Variants in WWOX observed in about 807,000 individuals in gnomAD.
The protein encoded by WWOX is WW domain-containing oxidoreductase.
WWOX carries 69 observed loss-of-function variants against 46.2 expected under a neutral mutation model. That is an observed-to-expected ratio of 1.49 (90% confidence interval 1.23 to 1.82). The LOEUF is 1.82. WWOX is among the 40% of genes most tolerant of loss of function. The pLI, the probability that WWOX is intolerant of heterozygous loss-of-function variation, is 0.00. For synonymous variants in WWOX, 359 were observed against 202.6 expected (o/e 1.77, Z -6.56); for missense variants, 919 against 542.6 (o/e 1.69, Z -6.89).
intron 8 of WWOX, among the ~76,000 whole-genome samples, chr16:78,586,015 T>C (rs1050880375): frequency 3.3e-5 from 5 of 151,856 alleles, no homozygotes; most frequent in African/African-American, 4.8e-5. Flanking sequence ...CTGGGCAATA[T>C]AGCAAGATGT....
At chr16:79,164,299 A>G (rs1220394624) in intron 8 of WWOX, among the ~76,000 whole-genome samples, 1 of 152,112 alleles carries the variant, frequency 6.6e-6, no homozygotes, top group Non-Finnish European at 1.5e-5. Flanking sequence ...ACCATGTGAA[A>G]TGTTGCTGGT....
chr16:79,132,304 C>G (rs906943268), intron 8 of WWOX, among the ~76,000 whole-genome samples: 2 of 152,176 alleles, frequency 1.3e-5, no homozygotes, highest in African/African-American at 2.4e-5. Flanking sequence ...GGCACCTAGG[C>G]TTTGATTTCA....
At position 79,211,650 on chromosome 16, in the gene WWOX, G is replaced by T. The variant is rs2150867518; in HGVS notation, c.1099G>T (p.Glu367Ter). Residue 367 changes from glutamate (E) to a stop codon, truncating the protein, a stop_gained, in exon 9 of 9, where the codon GAA becomes TAA. Transcript: ENST00000566780. LOFTEE classifies it high-confidence loss of function. Reference sequence around the variant, plus strand: ...CACCGTGTACTGTGCTGCTGTCCCAGAACTGGAGGGTCTGGGAGGGATGTA... The same window carrying T: ...CACCGTGTACTGTGCTGCTGTCCCATAACTGGAGGGTCTGGGAGGGATGTA... ...ATTVYCAAVP[E>*]LEGLGGMYFN... is the part of the protein sequence containing the mutation. 6.2e-7 allele frequency: 1 copy of T among 1,614,192 alleles called. No homozygotes were observed. Among genetic ancestry groups the T allele is most frequent in the Non-Finnish European group, 8.5e-7 (1 of 1,180,040 alleles).
intron 3 of WWOX, 103 bp downstream of exon 3, chr16:78,109,938 A>G: frequency 4.1e-6 from 5 of 1,234,462 alleles, no homozygotes; most frequent in Non-Finnish European, 5.9e-6. Flanking sequence ...ACAAAGTATA[A>G]CAGTGTGTAT....
intron 8 of WWOX, among the ~76,000 whole-genome samples, chr16:78,460,236 TTGTG>T (rs2151422281): frequency 6.6e-6 from 1 of 152,036 alleles, no homozygotes; most frequent in South Asian, 2.1e-4. Flanking sequence ...CAAGAGATTC[TTGTG>T]CCTCAGCCTT....
At chr16:79,210,790 A>G (rs890479122) in intron 8 of WWOX, among the ~76,000 whole-genome samples, 14 of 152,124 alleles carry the variant, frequency 9.2e-5, no homozygotes, top group African/African-American at 3.1e-4. Flanking sequence ...TTTGGATGAT[A>G]TGATGCCTCA....
chr16:78,104,779 T>A (rs890224360), intron 1 of WWOX, among the ~76,000 whole-genome samples: 3 of 152,046 alleles, frequency 2.0e-5, no homozygotes, highest in Non-Finnish European at 4.4e-5. Flanking sequence ...TTTATATTTA[T>A]TAAAAAAAAG....
chr16:78,753,487 T>C (rs928605282), intron 8 of WWOX, among the ~76,000 whole-genome samples: 1 of 151,972 alleles, frequency 6.6e-6, no homozygotes, highest in Non-Finnish European at 1.5e-5. Context: ...TGCAGAGTTT[T>C]AGTGCATTAT....
chr16:78,599,577 C>T (rs1435508487), intron 8 of WWOX, among the ~76,000 whole-genome samples: 1 of 152,186 alleles, frequency 6.6e-6, no homozygotes, highest in African/African-American at 2.4e-5. Context: ...GGCCTCCCCA[C>T]TTAATTGTTC....
chr16:78,763,398 G>T (rs999608504), intron 8 of WWOX, among the ~76,000 whole-genome samples: 2 of 152,190 alleles, frequency 1.3e-5, no homozygotes, highest in East Asian at 3.8e-4. Context: ...TTGAATACCT[G>T]CTATCTACCA....
chr16:78,520,955 G>A (rs956981223), intron 8 of WWOX, among the ~76,000 whole-genome samples: 1 of 151,948 alleles, frequency 6.6e-6, no homozygotes, highest in Non-Finnish European at 1.5e-5. Context: ...GCTGGGGTCA[G>A]GGGTGCTGGT....
At chr16:78,887,981 C>T (rs776294778) in intron 8 of WWOX, among the ~76,000 whole-genome samples, 2 of 152,132 alleles carry the variant, frequency 1.3e-5, no homozygotes, top group Non-Finnish European at 2.9e-5. Flanking sequence ...AAAACTTTGG[C>T]GACATGACAT....
intron 8 of WWOX, among the ~76,000 whole-genome samples, chr16:78,985,561 G>C (rs1228117486): frequency 6.6e-6 from 1 of 152,180 alleles, no homozygotes; most frequent in Non-Finnish European, 1.5e-5. Context: ...TTGAAGTCAG[G>C]AGTTTCAGAC....
At chr16:78,492,175 T>C (rs928113994) in intron 8 of WWOX, among the ~76,000 whole-genome samples, 2 of 152,130 alleles carry the variant, frequency 1.3e-5, no homozygotes, top group Admixed American at 6.5e-5. Flanking sequence ...GGGAAGCAGA[T>C]AGTTCCATTA....
intron 8 of WWOX, among the ~76,000 whole-genome samples, chr16:79,136,454 C>A (rs766402554): frequency 1.3e-5 from 2 of 152,170 alleles, no homozygotes; most frequent in South Asian, 4.1e-4. Flanking sequence ...TGGTCTTGAT[C>A]TCCTGACCTC....
intron 8 of WWOX, among the ~76,000 whole-genome samples, chr16:78,688,398 C>T (rs975298254): frequency 3.3e-5 from 5 of 151,180 alleles, no homozygotes; most frequent in African/African-American, 9.7e-5. Context: ...CCTGACAAAT[C>T]CTACTTTTTC....
chr16:78,408,983 G>C (rs974125729), intron 6 of WWOX, among the ~76,000 whole-genome samples: 1 of 152,140 alleles, frequency 6.6e-6, no homozygotes, highest in Non-Finnish European at 1.5e-5. Flanking sequence ...TTGGAGATGG[G>C]CTGTAGCTCA....
At chr16:78,456,861 T>C (rs1339872579) in intron 8 of WWOX, among the ~76,000 whole-genome samples, 1 of 152,250 alleles carries the variant, frequency 6.6e-6, no homozygotes, top group Non-Finnish European at 1.5e-5. Context: ...TAATGAAATT[T>C]GCAATGCATC....
At chr16:78,661,888 C>CA (rs372303066) in intron 8 of WWOX, among the ~76,000 whole-genome samples, 4 of 152,198 alleles carry the variant, frequency 2.6e-5, no homozygotes, top group African/African-American at 9.6e-5. Flanking sequence ...ACAAAAAATA[C>CA]AAAAAATCAG....
Sources: gnomAD v4.1 joint callset for allele counts (sites outside exome capture counted in the v4.1 genomes callset) on GRCh38, gnomAD v4.1.1 for gene constraint, MANE v1.5 for transcripts, NCBI Gene and HGNC (gene_info 2026-07-23, HGNC 2026-07-21) for gene names.